Variants in CPNE8 observed in about 807,000 individuals in gnomAD.
The protein encoded by CPNE8 is copine-8.
A neutral mutation model predicts 81.5 loss-of-function variants in CPNE8; 45 were observed. That is an observed-to-expected ratio of 0.55 (90% confidence interval 0.44 to 0.71). CPNE8 has a LOEUF of 0.71. Ranked by LOEUF, CPNE8 falls within the 30% of genes least tolerant of loss-of-function variation. CPNE8 has a pLI of 0.00. For synonymous variants in CPNE8, 252 were observed against 226.3 expected, an observed-to-expected ratio of 1.11 and a Z score of -1.02; for missense variants, 594 against 672.1, an observed-to-expected ratio of 0.88 and a Z score of 1.28.
At chr12:38,678,686 ATACT>A (rs1476169331) in intron 16 of CPNE8, among the ~76,000 whole-genome samples, 1 of 151,936 alleles carries the variant, frequency 6.6e-6, no homozygotes, top group Non-Finnish European at 1.5e-5. Flanking sequence ...AAGAAGAAAA[ATACT>A]TACAACTTTC....
rs148816872 is a variant in CPNE8, at chr12:38,768,392, T to C, written c.472-654A>G. On this transcript the variant is annotated intron_variant, in intron 7 of 19. Coordinates refer to ENST00000331366, the MANE Select transcript of CPNE8 (RefSeq NM_153634.3). Reference sequence around the variant, plus strand: ...ATGTACTCAAACACTCGCAGCTACATGATTTAAAGGAAAACAAGCTAGGGT... The same window carrying C: ...ATGTACTCAAACACTCGCAGCTACACGATTTAAAGGAAAACAAGCTAGGGT... Among the ~76,000 whole-genome samples the C allele has an allele frequency of 2.2e-3, 342 of 152,296 alleles. 1 individual carries two copies. The highest frequency in any genetic ancestry group is 8.0e-3 in the African/African-American group (332 of 41,570).
chr12:38,677,627 A>G, intron 16 of CPNE8, 73 bp from the exon 17 acceptor site: 1 of 812,776 alleles, frequency 1.2e-6, no homozygotes, highest in South Asian at 1.4e-5. Context: ...ACAATTTGGA[A>G]TAGTTAACAA....
At chr12:38,781,117 A>C (rs1286945889) in intron 6 of CPNE8, among the ~76,000 whole-genome samples, 1 of 152,072 alleles carries the variant, frequency 6.6e-6, no homozygotes, top group Non-Finnish European at 1.5e-5. Context: ...AAAATGAGTA[A>C]ATATGTTTAA....
chr12:38,807,663 A>G (rs1442088453), intron 6 of CPNE8, among the ~76,000 whole-genome samples: 1 of 151,634 alleles, frequency 6.6e-6, no homozygotes, highest in Non-Finnish European at 1.5e-5. Flanking sequence ...AAGAAAACCT[A>G]GGCATTACTA....
At chr12:38,837,172 A>C (rs1405614566) in intron 5 of CPNE8, among the ~76,000 whole-genome samples, 1 of 152,180 alleles carries the variant, frequency 6.6e-6, no homozygotes, top group African/African-American at 2.4e-5. Context: ...GGAAAGAAGA[A>C]GGCAGAAAGA....
intron 6 of CPNE8, among the ~76,000 whole-genome samples, chr12:38,797,436 C>T (rs896291827): frequency 3.9e-5 from 6 of 152,150 alleles, no homozygotes; most frequent in African/African-American, 1.2e-4. Flanking sequence ...CCCAGGCAAA[C>T]AGGGTCTGGA....
intron 10 of CPNE8, among the ~76,000 whole-genome samples, chr12:38,732,933 G>A (rs987512435): frequency 5.3e-5 from 8 of 151,938 alleles, no homozygotes; most frequent in Non-Finnish European, 1.2e-4. Flanking sequence ...TCCATGTGTT[G>A]TAGAGGAGAA....
At chr12:38,795,944 T>C (rs181757758) in intron 6 of CPNE8, among the ~76,000 whole-genome samples, 3 of 151,862 alleles carry the variant, frequency 2.0e-5, no homozygotes, top group Non-Finnish European at 4.4e-5. Context: ...ATTCTGAGAA[T>C]ACAAGACTGT....
chr12:38,755,746 A>T (rs1941442327), intron 10 of CPNE8, among the ~76,000 whole-genome samples: 1 of 152,220 alleles, frequency 6.6e-6, no homozygotes, highest in Non-Finnish European at 1.5e-5. Context: ...TTTCAATAAA[A>T]AGAACAGGTA....
chr12:38,704,997 T>C (rs372844241), intron 13 of CPNE8, among the ~76,000 whole-genome samples: 8 of 148,930 alleles, frequency 5.4e-5, no homozygotes, highest in African/African-American at 2.0e-4. Context: ...AGTATACCTA[T>C]GACTCTATAT....
At chr12:38,835,931 T>G (rs1272964831) in intron 5 of CPNE8, among the ~76,000 whole-genome samples, 1 of 152,136 alleles carries the variant, frequency 6.6e-6, no homozygotes, top group East Asian at 1.9e-4. Context: ...TATTTTGGAT[T>G]GCCTTGTCTG....
At chr12:38,740,471 C>T (rs933296202) in intron 10 of CPNE8, among the ~76,000 whole-genome samples, 12 of 152,192 alleles carry the variant, frequency 7.9e-5, no homozygotes, top group South Asian at 2.1e-4. Flanking sequence ...TGTCTTGTGC[C>T]GGTTTTCAAA....
intron 13 of CPNE8, among the ~76,000 whole-genome samples, chr12:38,713,808 T>G (rs1205222331): frequency 6.7e-6 from 1 of 148,934 alleles, no homozygotes; most frequent in Non-Finnish European, 1.5e-5. Context: ...CTGGACTCGC[T>G]GGATGAGAGT....
chr12:38,771,051 C>T (rs1444791415), intron 7 of CPNE8, among the ~76,000 whole-genome samples: 1 of 151,962 alleles, frequency 6.6e-6, no homozygotes, highest in Non-Finnish European at 1.5e-5. Context: ...TCTTGCCATT[C>T]TATTCTAAGC....
chr12:38,855,190 G>T (rs117219665), intron 3 of CPNE8, among the ~76,000 whole-genome samples: 2,749 of 151,392 alleles, frequency 0.018, 28 homozygotes, highest in Non-Finnish European at 0.027. Flanking sequence ...TAACCAAAAA[G>T]GTGGAAAATC....
At chr12:38,852,597 C>T (rs1156520206) in intron 3 of CPNE8, among the ~76,000 whole-genome samples, 1 of 151,958 alleles carries the variant, frequency 6.6e-6, no homozygotes, top group Non-Finnish European at 1.5e-5. Context: ...AGTGAAACTC[C>T]ATCTCAAAAA....
intron 6 of CPNE8, among the ~76,000 whole-genome samples, chr12:38,799,480 G>T (rs1160328358): frequency 6.6e-6 from 1 of 152,118 alleles, no homozygotes; most frequent in Non-Finnish European, 1.5e-5. Flanking sequence ...CAGAAAAAAA[G>T]ATATTCTTTT....
At chr12:38,675,656 G>T in intron 18 of CPNE8, 61 bp downstream of exon 18, 1 of 1,065,094 alleles carries the variant, frequency 9.4e-7, no homozygotes, top group South Asian at 1.3e-5. Context: ...AGAAACCCAA[G>T]AGCATGTTAC....
intron 1 of CPNE8, among the ~76,000 whole-genome samples, chr12:38,892,125 G>A (rs1944321976): frequency 6.6e-6 from 1 of 152,150 alleles, no homozygotes; most frequent in Non-Finnish European, 1.5e-5. Context: ...CACAAATGGG[G>A]GAAAGGCTTC....
Sources: allele counts gnomAD v4.1 joint callset (sites outside exome capture counted in the v4.1 genomes callset), GRCh38; gene constraint gnomAD v4.1.1; transcripts MANE v1.5; gene names NCBI Gene and HGNC (gene_info 2026-07-23, HGNC 2026-07-21).